The following MRNIP variants were observed in gnomAD, a reference collection of about 807,000 sequenced individuals.
MRNIP encodes the protein MRN complex interacting protein, also known as MRN complex-interacting protein.
A neutral mutation model predicts 29.8 loss-of-function variants in MRNIP; 30 were observed. That is an observed-to-expected ratio of 1.01 (90% CI 0.75 to 1.36). MRNIP has a LOEUF of 1.36. Ranked by LOEUF, MRNIP falls within the 40% of genes most tolerant of loss-of-function variation. MRNIP has a pLI of 0.00. For synonymous variants in MRNIP, 201 were observed against 164.1 expected (o/e 1.23, Z -1.72); for missense variants, 459 against 423.5 (o/e 1.08, Z -0.74).
chr5:179,848,738 A>C (rs1447301099), intron 2 of MRNIP, among the ~76,000 whole-genome samples: 1 of 152,254 alleles, frequency 6.6e-6, no homozygotes, highest in African/African-American at 2.4e-5. Flanking sequence ...AAGGTGTTCA[A>C]AATGGTCAAG....
intron 4 of MRNIP, among the ~76,000 whole-genome samples, chr5:179,843,601 G>A (rs1375427402): frequency 9.2e-5 from 14 of 152,088 alleles, no homozygotes; most frequent in South Asian, 4.2e-4. Flanking sequence ...TTAGCTGGGC[G>A]TGGTAGGGCA....
chr5:179,855,765 A>C (rs190921266), intron 1 of MRNIP, among the ~76,000 whole-genome samples: 1 of 152,194 alleles, frequency 6.6e-6, no homozygotes, highest in Non-Finnish European at 1.5e-5. Flanking sequence ...GGAAGTATCC[A>C]AAAGGATTCT....
At chr5:179,843,013 C>T (rs1561616538) in intron 4 of MRNIP, among the ~76,000 whole-genome samples, 1 of 122,884 alleles carries the variant, frequency 8.1e-6, no homozygotes. Flanking sequence ...GGCTGGGGGA[C>T]ACAGCGAGAC....
chr5:179,856,785 A>G (rs555163973), intron 1 of MRNIP, among the ~76,000 whole-genome samples: 1 of 152,230 alleles, frequency 6.6e-6, no homozygotes, highest in South Asian at 2.1e-4. Context: ...CTCACATTTC[A>G]TAAGGTTGAA....
At chr5:179,838,117 A>G (rs879675115) in intron 6 of MRNIP, 28 of 585,672 alleles carry the variant, frequency 4.8e-5, no homozygotes, top group Non-Finnish European at 8.2e-5. Context: ...TCCAAAAACA[A>G]GACATTCTCA....
chr5:179,848,389 T>C (rs1011951736), intron 2 of MRNIP, among the ~76,000 whole-genome samples: 8 of 152,250 alleles, frequency 5.3e-5, no homozygotes, highest in African/African-American at 1.9e-4. Flanking sequence ...AAGTAACACA[T>C]ATTGCCATAT....
chr5:179,848,836 C>T (rs544382543), intron 2 of MRNIP, among the ~76,000 whole-genome samples: 1 of 152,354 alleles, frequency 6.6e-6, no homozygotes, highest in East Asian at 1.9e-4. Flanking sequence ...AAGAACATTC[C>T]AGCAGAAGCA....
At chr5:179,844,119 A>G (rs774643570) in intron 4 of MRNIP, 33 bp downstream of exon 4, 2 of 1,591,768 alleles carry the variant, frequency 1.3e-6, no homozygotes, top group South Asian at 2.2e-5. Context: ...CCTGACACAG[A>G]GCCAGCCTGG....
chr5:179,857,725 G>A (rs1759653476), intron 1 of MRNIP, among the ~76,000 whole-genome samples: 1 of 152,080 alleles, frequency 6.6e-6, no homozygotes, highest in Admixed American at 6.5e-5. Context: ...AAACAAGTCT[G>A]ATCCACGCCG....
At chr5:179,842,644 G>T (rs1272801179) in intron 4 of MRNIP, among the ~76,000 whole-genome samples, 2 of 142,308 alleles carry the variant, frequency 1.4e-5, no homozygotes, top group Non-Finnish European at 3.0e-5. Flanking sequence ...GGCCTGCAGT[G>T]AGCCGAGATG....
At chr5:179,853,210 G>C (rs770897667) in intron 2 of MRNIP, 168 bp downstream of exon 2, 1 of 1,534,058 alleles carries the variant, frequency 6.5e-7, no homozygotes, top group Non-Finnish European at 8.7e-7. Context: ...TCCAGATTCT[G>C]CTCCATCCAT....
At chr5:179,858,659 C>T in intron 1 of MRNIP, 72 bp downstream of exon 1, 1 of 1,038,064 alleles carries the variant, frequency 9.6e-7, no homozygotes, top group Non-Finnish European at 1.4e-6. Context: ...CGAGACAACA[C>T]CCACAGCCCC....
intron 1 of MRNIP, 40 bp downstream of exon 1, chr5:179,858,691 C>A (rs1260445049): frequency 6.0e-6 from 8 of 1,338,342 alleles, no homozygotes; most frequent in Non-Finnish European, 8.1e-6. Context: ...TCCGCTGTCC[C>A]CGCGCCGGAG....
chr5:179,850,771 T>C (rs1759333015), intron 2 of MRNIP, among the ~76,000 whole-genome samples: 2 of 152,156 alleles, frequency 1.3e-5, no homozygotes, highest in Non-Finnish European at 2.9e-5. Flanking sequence ...TCCCGAAAAC[T>C]AGATGTCATT....
At position 179,837,658 on chromosome 5, in the gene MRNIP, C is replaced by G; in HGVS notation, c.765G>C (p.Arg255Ser). The G allele has an allele frequency of 6.2e-7, 1 of 1,614,218 alleles. No individual in the cohort carries two copies. The highest frequency in any genetic ancestry group is 1.6e-4 in the Middle Eastern group (1 of 6,062). The change falls in exon 7 of 7, where the codon AGG (arginine) becomes AGC (serine). Residue 255 changes from arginine to serine, a missense_variant. Transcript: ENST00000292586. ...GCTTAGCCTGTGCTGGACCAGCTGGCCTGGGGTCCCTCTGAAGAGACCTTG... is the reference window on the plus strand; with the variant it reads ...GCTTAGCCTGTGCTGGACCAGCTGGGCTGGGGTCCCTCTGAAGAGACCTTG... ...EQPRSLQRDP[R>S]PAGPAQAKQG... is the part of the protein sequence containing the mutation.
At position 179,844,209 on chromosome 5, in the gene MRNIP, G is replaced by A. The variant is rs1759030601; in HGVS notation, c.234C>T (p.Val78=). Residue 78 remains valine, a synonymous_variant, in exon 4 of 7, where the codon GTC becomes GTT. Transcript: ENST00000292586. Reference sequence around the variant, plus strand: ...CCACGTTTTCTTCTTCACTGGCACTGACAGTTTCTTCTAGAGACCTTCAGG... The same window carrying A: ...CCACGTTTTCTTCTTCACTGGCACTAACAGTTTCTTCTAGAGACCTTCAGG... The part of the protein sequence containing the change: ...ELPLRSLEET[V]SASEEENVGH... 1 of 1,613,958 alleles carries A rather than the reference G, an allele frequency of 6.2e-7. No individual in the cohort carries two copies. Among genetic ancestry groups the A allele is most frequent in the African/African-American group, 1.3e-5 (1 of 74,926 alleles).
At chr5:179,847,940 C>T (rs1220266069) in intron 3 of MRNIP, 38 bp downstream of exon 3, 1 of 1,403,860 alleles carries the variant, frequency 7.1e-7, no homozygotes, top group Admixed American at 1.8e-5. Flanking sequence ...AAGACGAAAA[C>T]AGGGCAAGAC....
Position 179,858,793 on chromosome 5 carries a change from C to A in MRNIP, c.4G>T (p.Ala2Ser). The A allele has an allele frequency of 6.5e-7, 1 of 1,540,892 alleles. No individual in the cohort carries two copies. The highest frequency in any genetic ancestry group is 1.2e-5 in the South Asian group (1 of 82,844). ...AGCACCCGAGAACGCTGAAGCGACG[C>A]CATCCCTGCTTGTGCAGTCGCCAGG... M[A>S]SLQRSRVLRC... Residue 2 changes from alanine (A) to serine (S), a missense_variant, in exon 1 of 7, where the codon GCG becomes TCG. Physicochemically the swap from Ala to Ser is moderately conservative, Grantham distance 99. Coordinates refer to ENST00000292586, the MANE Select transcript of MRNIP (RefSeq NM_016175.4).
At chr5:179,853,536 G>A in intron 1 of MRNIP, 99 bp from the exon 2 acceptor site, 4 of 881,798 alleles carry the variant, frequency 4.5e-6, no homozygotes, top group Non-Finnish European at 5.3e-6. Context: ...CCCTTTGGGA[G>A]GCCGAGGCGG....
Sources: gnomAD v4.1 joint callset for allele counts (sites outside exome capture counted in the v4.1 genomes callset) on GRCh38, gnomAD v4.1.1 for gene constraint, MANE v1.5 for transcripts, NCBI Gene and HGNC (gene_info 2026-07-23, HGNC 2026-07-21) for gene names.